FRYL: variants seen among roughly 807,000 people sequenced by gnomAD.
FRYL encodes FRY like transcription coactivator, also known as protein furry homolog-like.
Under a neutral mutation model 351.2 loss-of-function variants are expected in FRYL, and 150 were observed. The ratio of observed to expected loss-of-function variants is 0.43; its 90% CI spans 0.37 to 0.49. The LOEUF is 0.49. FRYL is among the 20% of genes least tolerant of loss of function. The pLI, the probability that FRYL is intolerant of heterozygous loss-of-function variation, is 0.00. For synonymous variants in FRYL, 1,153 were observed against 1,257.1 expected, an observed-to-expected ratio of 0.92 and a Z score of 1.75; for missense variants, 3,036 against 3,619.3, an observed-to-expected ratio of 0.84 and a Z score of 4.13.
intron 4 of FRYL, among the ~76,000 whole-genome samples, chr4:48,629,459 TTCAG>T (rs555347305): frequency 7.2e-4 from 109 of 152,308 alleles, no homozygotes; most frequent in African/African-American, 2.6e-3. Context: ...AGTCTGTTCA[TTCAG>T]TCAGTCATTC....
chr4:48,533,871 C>A (rs1422022767), intron 49 of FRYL, among the ~76,000 whole-genome samples: 7 of 152,130 alleles, frequency 4.6e-5, no homozygotes, highest in African/African-American at 1.7e-4. Flanking sequence ...TTTTCTGTTT[C>A]TAAAAGTAGT....
chr4:48,711,974 T>C (rs1337662094), intron 1 of FRYL, among the ~76,000 whole-genome samples: 2 of 152,168 alleles, frequency 1.3e-5, no homozygotes, highest in Admixed American at 6.5e-5. Context: ...GAGTGGACCT[T>C]TAGCAAACTC....
At chr4:48,634,908 G>A (rs1460383770) in intron 3 of FRYL, among the ~76,000 whole-genome samples, 2 of 152,094 alleles carry the variant, frequency 1.3e-5, no homozygotes, top group Non-Finnish European at 2.9e-5. Context: ...AACGGGATTG[G>A]GGAACTGAAA....
chr4:48,521,266 C>T (rs768901076), intron 54 of FRYL, 51 bp from the exon 55 acceptor site: 2 of 1,335,298 alleles, frequency 1.5e-6, no homozygotes, highest in African/African-American at 1.5e-5. Context: ...TCAAAAGCCA[C>T]AGGAAACATT....
At position 48,744,787 on chromosome 4, in the gene FRYL, T is replaced by C. The variant is rs1418227411; in HGVS notation, c.-383-34089A>G. Among the ~76,000 whole-genome samples the C allele has an allele frequency of 2.0e-5, 3 of 152,340 alleles. No individual in the cohort carries two copies. The East Asian group carries it at 5.8e-4, about 29-fold the overall frequency. On this transcript the variant is annotated intron_variant, in intron 1 of 63. Coordinates refer to ENST00000358350, the MANE Select transcript of FRYL (RefSeq NM_015030.2). Reference sequence around the variant, plus strand: ...CAAAAAGTTTCTATTGTATTTACCATATTTGCGCTATTTGCAAAGATTACA... The same window carrying C: ...CAAAAAGTTTCTATTGTATTTACCACATTTGCGCTATTTGCAAAGATTACA...
intron 2 of FRYL, among the ~76,000 whole-genome samples, chr4:48,689,272 AAC>A (rs752732962): frequency 6.6e-6 from 1 of 152,242 alleles, no homozygotes; most frequent in African/African-American, 2.4e-5. Flanking sequence ...AGTTTTCTGT[AAC>A]AGTTTCATTC....
chr4:48,581,045 T>TA, intron 21 of FRYL, 94 bp from the exon 22 acceptor site: 1 of 137,026 alleles, frequency 7.3e-6, no homozygotes, highest in Non-Finnish European at 1.4e-5. Flanking sequence ...TTCAGCACTA[T>TA]TTTTTTTTTT....
chr4:48,572,450 TC>T (rs1379245440), intron 26 of FRYL, among the ~76,000 whole-genome samples: 1 of 152,220 alleles, frequency 6.6e-6, no homozygotes, highest in East Asian at 1.9e-4. Context: ...ATTTCAAAAT[TC>T]TTTGTAAAGT....
chr4:48,654,717 C>T (rs1323136788), intron 3 of FRYL, among the ~76,000 whole-genome samples: 1 of 152,146 alleles, frequency 6.6e-6, no homozygotes, highest in Non-Finnish European at 1.5e-5. Context: ...CAATGAATAG[C>T]GAGAAATCCT....
intron 3 of FRYL, among the ~76,000 whole-genome samples, chr4:48,641,717 A>G (rs1338200044): frequency 1.3e-5 from 2 of 152,118 alleles, no homozygotes; most frequent in African/African-American, 4.8e-5. Flanking sequence ...CCCATCAATA[A>G]CTTTATTTCT....
At chr4:48,764,062 C>A (rs959094302) in intron 1 of FRYL, among the ~76,000 whole-genome samples, 31 of 151,840 alleles carry the variant, frequency 2.0e-4, no homozygotes, top group African/African-American at 7.0e-4. Context: ...CCCAGCTACT[C>A]GGGAGGCTGA....
rs544544483 is a variant in FRYL, at chr4:48,711,553, G to T, written c.-383-855C>A. Among the ~76,000 whole-genome samples, 453 of 152,374 alleles carry T rather than the reference G, an allele frequency of 3.0e-3. 3 individuals carry two copies. The highest frequency in any genetic ancestry group is 0.011 in the African/African-American group (445 of 41,592). On this transcript the variant is annotated intron_variant, in intron 1 of 63. Transcript: ENST00000358350. The stretch of plus-strand genomic sequence containing the variant: ...GCCCAGGCTTGCTTAGGTAAACAAA[G>T]CAGCCGGGAAGCTCGAACTGGGTGG...
At position 48,619,317 on chromosome 4, in the gene FRYL, A is replaced by C; in HGVS notation, c.368T>G (p.Val123Gly). Reference protein sequence around the residue: ...DYLLERRDLAVDFIFCLVLVE... With the variant: ...DYLLERRDLAGDFIFCLVLVE... The stretch of plus-strand genomic sequence containing the variant: ...TAAAACTAAACAAAAAATGAAGTCT[A>C]CTGCTAAGTCCCTCCTTTCAAGAAG... Residue 123 changes from valine (V) to glycine (G), a missense_variant, in exon 7 of 64, where the codon GTA becomes GGA. By Grantham distance (109) the Val-to-Gly change is moderately radical. Transcript: ENST00000358350. 6.2e-7 allele frequency: 1 copy of C among 1,607,640 alleles called. No homozygotes were observed. Among genetic ancestry groups the C allele is most frequent in the Non-Finnish European group, 8.5e-7 (1 of 1,177,920 alleles).
intron 56 of FRYL, among the ~76,000 whole-genome samples, chr4:48,513,352 C>T (rs915489043): frequency 6.6e-6 from 1 of 151,976 alleles, no homozygotes; most frequent in Non-Finnish European, 1.5e-5. Flanking sequence ...GCAATATGGC[C>T]GATAATAGAT....
At chr4:48,544,949 G>T in intron 42 of FRYL, 45 bp from the exon 43 acceptor site, 1 of 1,565,332 alleles carries the variant, frequency 6.4e-7, no homozygotes. Flanking sequence ...TTTCACTTGT[G>T]ATTAACAGTT....
At chr4:48,687,398 C>T (rs1765241004) in intron 2 of FRYL, among the ~76,000 whole-genome samples, 1 of 150,920 alleles carries the variant, frequency 6.6e-6, no homozygotes, top group Non-Finnish European at 1.5e-5. Context: ...TTTTCACCTA[C>T]AGCCAGAGTA....
At chr4:48,580,788 G>T in intron 22 of FRYL, 77 bp downstream of exon 22, 2 of 868,360 alleles carry the variant, frequency 2.3e-6, no homozygotes, top group South Asian at 1.5e-5. Flanking sequence ...TTTTATGTAT[G>T]CACATGTACA....
chr4:48,717,581 C>G (rs555054101), intron 1 of FRYL, among the ~76,000 whole-genome samples: 1 of 151,754 alleles, frequency 6.6e-6, no homozygotes, highest in East Asian at 1.9e-4. Context: ...GACTCTGTCA[C>G]CTAGGCTGGA....
In FRYL at chr4:48,549,735, T is replaced by G; in HGVS notation, c.4634-112A>C. The G allele has an allele frequency of 1.2e-6, 1 of 826,032 alleles. No homozygotes were observed. The highest frequency in any genetic ancestry group is 1.8e-6 in the Non-Finnish European group (1 of 552,212). 51.2% of individuals were successfully genotyped at this position (826,032 alleles called of 1,614,324 possible). ...AGTATTGGAAAGTGATAAAAAAAAT[T>G]TCCCACTATTTCAACATGTTTGCTA... On this transcript the variant is annotated intron_variant, in intron 38 of 63. Coordinates refer to ENST00000358350, the MANE Select transcript of FRYL (RefSeq NM_015030.2). This position sits in a 1 kb window ranked among gnomAD's most constrained non-coding sequence, Gnocchi z 4.2.
Sources: gnomAD v4.1 joint callset for allele counts (sites outside exome capture counted in the v4.1 genomes callset) on GRCh38, gnomAD v4.1.1 for gene constraint, Gnocchi (gnomAD v3.1) non-coding constraint, MANE v1.5 for transcripts, NCBI Gene and HGNC (gene_info 2026-07-23, HGNC 2026-07-21) for gene names.